Variants in PAK5 observed in about 807,000 individuals in gnomAD.
PAK5 encodes serine/threonine-protein kinase PAK 5.
In PAK5, 16 loss-of-function variants were observed where a neutral mutation model predicts 65.9. The ratio of observed to expected loss-of-function variants is 0.24; its 90% CI spans 0.16 to 0.37. PAK5 has a LOEUF of 0.37. Among genes scored for constraint, PAK5 ranks in the 10% least tolerant of loss-of-function variants. The pLI, the probability that PAK5 is intolerant of heterozygous loss-of-function variation, is 1.00. For missense variants in PAK5, 785 were observed against 903.9 expected (o/e 0.87, Z 1.69); for synonymous variants, 371 against 354.9 (o/e 1.05, Z -0.51).
intron 7 of PAK5, among the ~76,000 whole-genome samples, chr20:9,553,345 A>G (rs1442905187): frequency 6.6e-6 from 1 of 152,194 alleles, no homozygotes; most frequent in Non-Finnish European, 1.5e-5. Context: ...GACTGTGTAG[A>G]ACAGTGCAAA....
At chr20:9,822,486 T>G (rs2049434240) in intron 1 of PAK5, among the ~76,000 whole-genome samples, 1 of 152,194 alleles carries the variant, frequency 6.6e-6, no homozygotes, top group Admixed American at 6.6e-5. Context: ...TATATCATCT[T>G]GTTCATTTGG....
chr20:9,630,590 G>C (rs2046908558), intron 3 of PAK5, among the ~76,000 whole-genome samples: 1 of 152,228 alleles, frequency 6.6e-6, no homozygotes, highest in Non-Finnish European at 1.5e-5. Flanking sequence ...AAGGGACAAA[G>C]AGAGTATGAA....
intron 7 of PAK5, among the ~76,000 whole-genome samples, chr20:9,547,215 T>C (rs1165333524): frequency 6.6e-6 from 1 of 152,110 alleles, no homozygotes; most frequent in African/African-American, 2.4e-5. Context: ...GAAACGTATA[T>C]AAAACTTCTC....
chr20:9,560,964 G>T (rs1455514025), intron 6 of PAK5, among the ~76,000 whole-genome samples: 4 of 152,172 alleles, frequency 2.6e-5, no homozygotes. Context: ...TTTCTAACAA[G>T]CTCCCAGGTC....
intron 3 of PAK5, among the ~76,000 whole-genome samples, chr20:9,590,619 CA>C (rs71184146): frequency 0.38 from 49,879 of 130,188 alleles, 10,165 homozygotes; most frequent in African/African-American, 0.62. Flanking sequence ...TGGGCTGTGC[CA>C]AAAAAAAAAA....
At chr20:9,561,742 A>G (rs1470308294) in intron 6 of PAK5, among the ~76,000 whole-genome samples, 3 of 152,208 alleles carry the variant, frequency 2.0e-5, no homozygotes, top group African/African-American at 4.8e-5. Flanking sequence ...ATCAGCTAAC[A>G]CTCAATACCT....
intron 1 of PAK5, among the ~76,000 whole-genome samples, chr20:9,804,616 G>A (rs1307508644): frequency 6.6e-6 from 1 of 152,176 alleles, no homozygotes; most frequent in Non-Finnish European, 1.5e-5. Context: ...ATAACTCTTA[G>A]AAGAAAACAT....
At chr20:9,708,579 G>A (rs1237927350) in intron 2 of PAK5, among the ~76,000 whole-genome samples, 1 of 152,074 alleles carries the variant, frequency 6.6e-6, no homozygotes, top group Non-Finnish European at 1.5e-5. Flanking sequence ...AACTGTAGGT[G>A]CTCTATCCTC....
At chr20:9,785,249 C>T (rs2048980653) in intron 1 of PAK5, among the ~76,000 whole-genome samples, 1 of 152,078 alleles carries the variant, frequency 6.6e-6, no homozygotes, top group Admixed American at 6.6e-5. Context: ...TTTTTCTCCC[C>T]AAAGGTGGCA....
At chr20:9,799,234 C>G (rs530272240) in intron 1 of PAK5, among the ~76,000 whole-genome samples, 1 of 152,132 alleles carries the variant, frequency 6.6e-6, no homozygotes, top group Non-Finnish European at 1.5e-5. Flanking sequence ...ACAAAGTCAT[C>G]CATAGGGCAA....
intron 2 of PAK5, among the ~76,000 whole-genome samples, chr20:9,645,922 C>T (rs1301651973): frequency 6.6e-6 from 1 of 152,204 alleles, no homozygotes; most frequent in African/African-American, 2.4e-5. Context: ...TTCTTCACAG[C>T]ATTTATCCAC....
chr20:9,822,423 G>A (rs1393244466), intron 1 of PAK5, among the ~76,000 whole-genome samples: 4 of 152,098 alleles, frequency 2.6e-5, no homozygotes, highest in Middle Eastern at 3.4e-3. Flanking sequence ...AACATTAGAT[G>A]CGTTTATAAT....
At chr20:9,545,601 C>T (rs778234317) in intron 7 of PAK5, among the ~76,000 whole-genome samples, 3 of 152,112 alleles carry the variant, frequency 2.0e-5, no homozygotes, top group African/African-American at 4.8e-5. Flanking sequence ...CTACCTCTGC[C>T]GCCTGCCTCT....
chr20:9,589,624 A>C (rs1385635224), intron 3 of PAK5, among the ~76,000 whole-genome samples: 1 of 152,180 alleles, frequency 6.6e-6, no homozygotes, highest in African/African-American at 2.4e-5. Context: ...TTAACAAATT[A>C]TGTAATAATC....
intron 1 of PAK5, among the ~76,000 whole-genome samples, chr20:9,828,383 A>G (rs1368507682): frequency 1.3e-5 from 2 of 152,236 alleles, no homozygotes; most frequent in Admixed American, 1.3e-4. Flanking sequence ...AAAAACCACC[A>G]GGATGAGAAA....
intron 1 of PAK5, among the ~76,000 whole-genome samples, chr20:9,711,790 C>T (rs563576623): frequency 1.5e-4 from 23 of 152,254 alleles, no homozygotes; most frequent in African/African-American, 5.1e-4. Context: ...ACCTGGTAAT[C>T]GTACATTTTC....
chr20:9,600,380 A>G (rs941223202), intron 3 of PAK5, among the ~76,000 whole-genome samples: 1 of 152,174 alleles, frequency 6.6e-6, no homozygotes, highest in East Asian at 1.9e-4. Flanking sequence ...CTATTTCTGT[A>G]AAAAACACTG....
intron 1 of PAK5, among the ~76,000 whole-genome samples, chr20:9,805,777 T>C (rs1364612171): frequency 6.6e-6 from 1 of 152,142 alleles, no homozygotes; most frequent in Non-Finnish European, 1.5e-5. Context: ...AGAATTTCTT[T>C]TGGGGATTAT....
chr20:9,592,721 T>C (rs2046193947), intron 3 of PAK5, among the ~76,000 whole-genome samples: 2 of 152,072 alleles, frequency 1.3e-5, no homozygotes, highest in South Asian at 4.1e-4. Context: ...GTCATGCAAG[T>C]AGGTAGGTAG....
Sources: gnomAD v4.1 joint callset for allele counts (sites outside exome capture counted in the v4.1 genomes callset) on GRCh38, gnomAD v4.1.1 for gene constraint, MANE v1.5 for transcripts, NCBI Gene and HGNC (gene_info 2026-07-23, HGNC 2026-07-21) for gene names.